Variants in USP15 observed in about 807,000 individuals in gnomAD.
The protein encoded by USP15 is ubiquitin specific peptidase 15.
A neutral mutation model predicts 127.1 loss-of-function variants in USP15; 18 were observed. The ratio of observed to expected loss-of-function variants is 0.14; its 90% CI spans 0.10 to 0.21. The LOEUF (loss-of-function observed/expected upper bound fraction) is 0.21, where lower values mean the gene tolerates loss of function less well. Among genes scored for constraint, USP15 ranks in the 10% least tolerant of loss-of-function variants. The pLI is 1.00. For synonymous variants in USP15, 364 were observed against 393.7 expected (o/e 0.92, Z 0.89); for missense variants, 805 against 1,159.9 (o/e 0.69, Z 4.44).
chr12:62,294,708 A>G (rs2064077336), intron 2 of USP15: 1 of 157,978 alleles, frequency 6.3e-6, no homozygotes, highest in Non-Finnish European at 1.4e-5. Context: ...CCTAGTGGAC[A>G]CATGACATTT....
In USP15 at chr12:62,300,632, A is replaced by C. The variant is rs865935774; in HGVS notation, c.218-2158A>C. On this transcript the variant is annotated intron_variant, in intron 2 of 21. Coordinates refer to ENST00000280377, the MANE Select transcript of USP15 (RefSeq NM_001252078.2). ...ATATATAGTCATTCAGCTTTAGAAA[A>C]AGGTAAAAGAGGAATTCACTGGCAA... Among the ~76,000 whole-genome samples, 5 of 152,300 alleles carry C rather than the reference A, an allele frequency of 3.3e-5. No individual in the cohort carries two copies. The South Asian group carries it at 6.2e-4, about 19-fold the overall frequency.
rs1037603719 is a variant in USP15 at position 62,415,811 on chromosome 12, T to C, written c.*11436T>C. ...CCACTCCTACCACTGTAATTGAATA[T>C]TACCTACCTTTCAGAATAATTGCAA... is the stretch of plus-strand genomic sequence containing the variant. On this transcript the variant is annotated 3_prime_UTR_variant, in exon 22 of 22. Coordinates refer to ENST00000280377, the MANE Select transcript of USP15 (RefSeq NM_001252078.2). The C allele has an allele frequency of 9.2e-5, 14 of 152,200 alleles. No individual in the cohort carries two copies. The highest frequency in any genetic ancestry group is 3.4e-4 in the African/African-American group (14 of 41,460). The allele number at this position is 152,200 out of a possible 1,614,324, so 9.4% of individuals were successfully genotyped here. A position where few individuals can be genotyped will look rare whatever the true frequency, so the allele number is the denominator to read the frequency against.
chr12:62,291,806 A>G (rs2063978069), intron 1 of USP15, among the ~76,000 whole-genome samples: 1 of 152,168 alleles, frequency 6.6e-6, no homozygotes, highest in Non-Finnish European at 1.5e-5. Flanking sequence ...CTCAAACATC[A>G]GGTGTGATAG....
At chr12:62,404,166 C>G (rs755550428) in intron 21 of USP15, 27 bp from the exon 22 acceptor site, 1 of 1,539,584 alleles carries the variant, frequency 6.5e-7, no homozygotes, top group Non-Finnish European at 8.8e-7. Context: ...AGAATCATAA[C>G]TGTTTTAACA....
At chr12:62,297,812 C>A (rs973615071) in intron 2 of USP15, among the ~76,000 whole-genome samples, 1 of 152,110 alleles carries the variant, frequency 6.6e-6, no homozygotes, top group Non-Finnish European at 1.5e-5. Flanking sequence ...AAAACAAAAT[C>A]TCCAGAAACT....
In USP15 at chr12:62,289,631, C is replaced by T. The variant is rs142202055; in HGVS notation, c.90-4548C>T. On this transcript the variant is annotated intron_variant, in intron 1 of 21. Transcript: ENST00000280377. ...TTTTCCTCTGATCTTTATGTCTTTT[C>T]TTCTGTCAAATTTGGATTTAGTTCT... 1.5e-3 allele frequency among the ~76,000 whole-genome samples: 222 copies of T among 145,170 alleles called. 1 individual carries two copies. The highest frequency in any genetic ancestry group is 5.5e-3 in the African/African-American group (215 of 38,830).
At position 62,351,885 on chromosome 12, in the gene USP15, G is replaced by GT. The variant is rs1168079814; in HGVS notation, c.770+2590dup. ...AACTTAAGCATTCGTAAAATGGAAAGTTTTTTTTTTTTAACTTTAAAAAAC... is the reference window on the plus strand; with the variant it reads ...AACTTAAGCATTCGTAAAATGGAAAGTTTTTTTTTTTTTAACTTTAAAAAAC... On this transcript the variant is annotated intron_variant, in intron 7 of 21. Coordinates refer to ENST00000280377, the MANE Select transcript of USP15 (RefSeq NM_001252078.2). 8.2e-3 allele frequency among the ~76,000 whole-genome samples: 1,180 copies of GT among 144,158 alleles called. 9 individuals carry two copies. Among genetic ancestry groups the GT allele is most frequent in the African/African-American group, 0.025 (985 of 39,840 alleles). The allele number at this position is 144,158 out of a possible 152,430, so 94.6% of individuals were successfully genotyped here. A position where few individuals can be genotyped will look rare whatever the true frequency, so the allele number is the denominator to read the frequency against.
chr12:62,363,397 C>A (rs2066374424), intron 8 of USP15, among the ~76,000 whole-genome samples: 1 of 152,102 alleles, frequency 6.6e-6, no homozygotes, highest in Admixed American at 6.6e-5. Flanking sequence ...CTTGTTCCAT[C>A]CTCACCCTCA....
Position 62,357,049 on chromosome 12 carries a change from G to GT in USP15, c.915+1582dup, listed in dbSNP as rs546956715. On this transcript the variant is annotated intron_variant, in intron 8 of 21. Coordinates refer to ENST00000280377, the MANE Select transcript of USP15 (RefSeq NM_001252078.2). ...TTCCAGATGCTTGATATCAGCTAGA[G>GT]TTTTTTTTCCTAGTTTAGAAAACCA... is the stretch of plus-strand genomic sequence containing the variant. Among the ~76,000 whole-genome samples the GT allele has an allele frequency of 1.1e-3, 171 of 151,894 alleles. No homozygotes were observed. In the Middle Eastern group the frequency reaches 0.014, roughly 12 times the overall value.
In USP15 at chr12:62,408,368, T is replaced by C. The variant is rs530545462; in HGVS notation, c.*3993T>C. 1 of 152,200 alleles carries C rather than the reference T, an allele frequency of 6.6e-6. No homozygotes were observed. Among genetic ancestry groups the C allele is most frequent in the South Asian group, 2.1e-4 (1 of 4,826 alleles). The allele number at this position is 152,200 out of a possible 1,614,324, so 9.4% of individuals were successfully genotyped here. A position where few individuals can be genotyped will look rare whatever the true frequency, so the allele number is the denominator to read the frequency against. On this transcript the variant is annotated 3_prime_UTR_variant, in exon 22 of 22. Coordinates refer to ENST00000280377, the MANE Select transcript of USP15 (RefSeq NM_001252078.2). ...TTTCTGATCTTCTGTGCTTGTGCAG[T>C]GTAGATGAGCTCACCGCTTTAATTT...
chr12:62,400,051 G>A (rs1486334662), intron 20 of USP15, among the ~76,000 whole-genome samples: 1 of 152,020 alleles, frequency 6.6e-6, no homozygotes, highest in Non-Finnish European at 1.5e-5. Context: ...CTTTAGGATG[G>A]GAAGAATTAT....
intron 6 of USP15, among the ~76,000 whole-genome samples, chr12:62,327,979 A>G (rs1444648615): frequency 2.0e-5 from 3 of 152,204 alleles, no homozygotes; most frequent in East Asian, 1.9e-4. Flanking sequence ...ATCTGCACCT[A>G]TGTATGAAAA....
In USP15 at chr12:62,404,330, TAATGAC is replaced by T. The variant is rs776896803; in HGVS notation, c.2907_2912del (p.Asn970_Asp971del). ...TAGAAAGTGATGAAGATAGCAATGA[TAATGAC>T]AATGATATAGAAAATGAAAACTGTA... is the stretch of plus-strand genomic sequence containing the variant. On this transcript the variant is annotated inframe_deletion, in exon 22 of 22. Coordinates refer to ENST00000280377, the MANE Select transcript of USP15 (RefSeq NM_001252078.2). The T allele has an allele frequency of 3.7e-6, 6 of 1,612,722 alleles. 1 individual carries two copies. In the South Asian group the frequency reaches 6.6e-5, roughly 18 times the overall value.
intron 5 of USP15, among the ~76,000 whole-genome samples, chr12:62,324,292 A>G (rs1374243148): frequency 1.3e-5 from 2 of 152,052 alleles, no homozygotes; most frequent in Non-Finnish European, 2.9e-5. Flanking sequence ...AATTTTAAGT[A>G]TAAATACTGT....
chr12:62,371,835 A>T (rs2066679355), intron 8 of USP15, among the ~76,000 whole-genome samples: 1 of 152,136 alleles, frequency 6.6e-6, no homozygotes, highest in African/African-American at 2.4e-5. Context: ...TAGCATCAGG[A>T]GGTAAAAATA....
In USP15 at chr12:62,355,350, T is replaced by G. The variant is rs769317461; in HGVS notation, c.790T>G (p.Cys264Gly). 1.9e-6 allele frequency: 3 copies of G among 1,596,224 alleles called. No individual in the cohort carries two copies. The South Asian group carries it at 3.4e-5, about 18-fold the overall frequency. Residue 264 changes from cysteine to glycine, a missense_variant, in exon 8 of 22, where the codon TGT becomes GGT. Coordinates refer to ENST00000280377, the MANE Select transcript of USP15 (RefSeq NM_001252078.2). Reference protein sequence around the residue: ...NNRNVKNSNYCLPSYTAYKNY... With the variant: ...NNRNVKNSNYGLPSYTAYKNY... ...TTCCAGTGTGAAAAACTCAAATTAC[T>G]GTCTTCCATCATATACCGCTTATAA...
chr12:62,283,709 G>A (rs767959781), intron 1 of USP15, among the ~76,000 whole-genome samples: 21 of 152,164 alleles, frequency 1.4e-4, no homozygotes, highest in Non-Finnish European at 2.6e-4. Context: ...TTGAGAGGCC[G>A]AGGCAGGCGG....
In USP15 at chr12:62,313,964, C is replaced by T. The variant is rs547093745; in HGVS notation, c.349-826C>T. Reference sequence around the variant, plus strand: ...CTTTTGCCATATTTGTCTAATGGATCACATATCAGGCCTATTACTATTTTC... The same window carrying T: ...CTTTTGCCATATTTGTCTAATGGATTACATATCAGGCCTATTACTATTTTC... On this transcript the variant is annotated intron_variant, in intron 3 of 21. Coordinates refer to ENST00000280377, the MANE Select transcript of USP15 (RefSeq NM_001252078.2). The T allele has an allele frequency of 9.7e-6, 7 of 723,750 alleles. No individual in the cohort carries two copies. In the South Asian group the frequency reaches 3.8e-4, roughly 39 times the overall value. The allele number at this position is 723,750 out of a possible 1,614,324, so 44.8% of individuals were successfully genotyped here.
chr12:62,322,766 T>C (rs17660079), intron 5 of USP15, among the ~76,000 whole-genome samples: 11,812 of 152,248 alleles, frequency 0.078, 581 homozygotes, highest in Middle Eastern at 0.16. Context: ...TAAGCCAGCA[T>C]GCAAGTTATG....
Sources: allele counts gnomAD v4.1 joint callset (sites outside exome capture counted in the v4.1 genomes callset), GRCh38; gene constraint gnomAD v4.1.1; transcripts MANE v1.5; gene names NCBI Gene and HGNC (gene_info 2026-07-23, HGNC 2026-07-21).